Variants in MYO3B observed in about 807,000 individuals in gnomAD.
MYO3B encodes myosin IIIB.
Under a neutral mutation model 174.6 loss-of-function variants are expected in MYO3B, and 156 were observed. That is an observed-to-expected ratio of 0.89 (90% confidence interval 0.78 to 1.02). The LOEUF (loss-of-function observed/expected upper bound fraction) is 1.02. Ranked by LOEUF, MYO3B falls within the 50% of genes least tolerant of loss-of-function variation. The pLI, the probability that MYO3B is intolerant of heterozygous loss-of-function variation, is 0.00. For synonymous variants in MYO3B, 563 were observed against 569.1 expected, an observed-to-expected ratio of 0.99 and a Z score of 0.15; for missense variants, 1,632 against 1,639.4, an observed-to-expected ratio of 1.00 and a Z score of 0.08.
intron 7 of MYO3B, among the ~76,000 whole-genome samples, chr2:170,321,984 C>T (rs1044948539): frequency 4.0e-5 from 6 of 151,850 alleles, no homozygotes; most frequent in Admixed American, 6.6e-5. Flanking sequence ...CGTGGTGGCA[C>T]GTGCCTGTAA....
rs879207110 is a variant in MYO3B at position 170,200,019 on chromosome 2, T to C, written c.187-131T>C. 30 of 733,576 alleles carry C rather than the reference T, an allele frequency of 4.1e-5. No individual in the cohort carries two copies. The South Asian group carries it at 6.7e-4, about 16-fold the overall frequency. 45.4% of individuals were successfully genotyped at this position (733,576 alleles called of 1,614,324 possible). On this transcript the variant is annotated intron_variant, in intron 2 of 34. Coordinates refer to ENST00000408978, the MANE Select transcript of MYO3B (RefSeq NM_138995.5). ...ATCTGAATGTCCATTGTTAGATATTTTGAAGGTATGGTAATGAGATTGAAA... is the reference window on the plus strand; with the variant it reads ...ATCTGAATGTCCATTGTTAGATATTCTGAAGGTATGGTAATGAGATTGAAA...
intron 6 of MYO3B, among the ~76,000 whole-genome samples, chr2:170,221,990 C>T (rs1463836321): frequency 6.6e-6 from 1 of 152,192 alleles, no homozygotes; most frequent in Non-Finnish European, 1.5e-5. Context: ...AGGAGATTAT[C>T]ATGAGCAAAA....
At chr2:170,230,574 A>G (rs1574621723) in intron 6 of MYO3B, among the ~76,000 whole-genome samples, 1 of 151,772 alleles carries the variant, frequency 6.6e-6, no homozygotes, top group Non-Finnish European at 1.5e-5. Context: ...GAAGAAAGAA[A>G]CATGCCCTTG....
intron 8 of MYO3B, chr2:170,348,790 G>C (rs2094038129): frequency 6.6e-6 from 1 of 152,154 alleles, no homozygotes; most frequent in South Asian, 2.1e-4. Context: ...CTAGATGTAG[G>C]AGAGCTGGCT....
In MYO3B at chr2:170,231,966, AG is replaced by A. The variant is rs1409751138; in HGVS notation, c.604-4022del. 3.3e-5 allele frequency among the ~76,000 whole-genome samples: 5 copies of A among 152,168 alleles called. No homozygotes were observed. In the East Asian group the frequency reaches 9.6e-4, roughly 29 times the overall value. On this transcript the variant is annotated intron_variant, in intron 6 of 34. Coordinates refer to ENST00000408978, the MANE Select transcript of MYO3B (RefSeq NM_138995.5). ...TAAGTGATTTGTTTTCAGATGTGAA[AG>A]GGTGTGCATTTGGGATCCTGGACCT... is the stretch of plus-strand genomic sequence containing the variant.
chr2:170,263,926 A>T (rs957504952), intron 7 of MYO3B, among the ~76,000 whole-genome samples: 3 of 152,144 alleles, frequency 2.0e-5, no homozygotes, highest in African/African-American at 7.2e-5. Flanking sequence ...AGGCTATCAC[A>T]TGTGGGGGAA....
intron 22 of MYO3B, among the ~76,000 whole-genome samples, chr2:170,439,789 T>C (rs1005661120): frequency 1.3e-5 from 2 of 152,162 alleles, no homozygotes; most frequent in Non-Finnish European, 2.9e-5. Flanking sequence ...CACACCATTC[T>C]CCTGCCTCAG....
intron 32 of MYO3B, among the ~76,000 whole-genome samples, chr2:170,548,824 C>T (rs929701857): frequency 2.6e-5 from 4 of 152,068 alleles, no homozygotes; most frequent in Admixed American, 6.5e-5. Flanking sequence ...AGTAAATGAC[C>T]CTTGACCATT....
intron 32 of MYO3B, among the ~76,000 whole-genome samples, chr2:170,556,673 C>A (rs891228031): frequency 6.6e-6 from 1 of 152,214 alleles, no homozygotes; most frequent in Non-Finnish European, 1.5e-5. Context: ...AGGCATGTGT[C>A]ACCACGTCTG....
At chr2:170,230,772 T>A (rs1019020963) in intron 6 of MYO3B, among the ~76,000 whole-genome samples, 2 of 152,206 alleles carry the variant, frequency 1.3e-5, no homozygotes, top group African/African-American at 2.4e-5. Context: ...ATATCTACTA[T>A]TAACATTTTA....
chr2:170,472,719 T>A (rs1368493589), intron 25 of MYO3B, among the ~76,000 whole-genome samples: 4 of 113,230 alleles, frequency 3.5e-5, no homozygotes, highest in Non-Finnish European at 5.9e-5. Flanking sequence ...TTATTTATTT[T>A]GAGACAGGGT....
intron 32 of MYO3B, among the ~76,000 whole-genome samples, chr2:170,636,970 G>GTT (rs1697546643): frequency 2.0e-5 from 3 of 151,452 alleles, no homozygotes; most frequent in Admixed American, 2.0e-4. Context: ...GTGTGTGTGT[G>GTT]TGTGTGTGTG....
chr2:170,584,184 G>T (rs1033580927), intron 32 of MYO3B, among the ~76,000 whole-genome samples: 1 of 152,236 alleles, frequency 6.6e-6, no homozygotes, highest in Non-Finnish European at 1.5e-5. Flanking sequence ...ATCCAGGATT[G>T]TGGTCCCCCT....
At chr2:170,469,972 CA>C (rs143724673) in intron 25 of MYO3B, among the ~76,000 whole-genome samples, 7,031 of 151,612 alleles carry the variant, frequency 0.046, 511 homozygotes, top group African/African-American at 0.16. Flanking sequence ...TGTGTTGGTG[CA>C]TGCCTGTAAT....
intron 32 of MYO3B, among the ~76,000 whole-genome samples, chr2:170,566,293 A>T (rs1209307026): frequency 6.6e-6 from 1 of 152,220 alleles, no homozygotes; most frequent in African/African-American, 2.4e-5. Context: ...AGTTAGAATG[A>T]TTATTTCGGG....
At chr2:170,337,966 G>C (rs2093956242) in intron 8 of MYO3B, 1 of 152,180 alleles carries the variant, frequency 6.6e-6, no homozygotes, top group Non-Finnish European at 1.5e-5. Context: ...AGGGTTAGCA[G>C]AGGTGGAAGA....
chr2:170,488,275 T>TTTTATTTA (rs10684032), intron 25 of MYO3B, among the ~76,000 whole-genome samples: 29,895 of 151,476 alleles, frequency 0.2, 3,856 homozygotes, highest in African/African-American at 0.36. Flanking sequence ...GTAGCAGTGG[T>TTTTATTTA]TTTATTTATT....
chr2:170,528,394 C>T (rs1374885464), intron 30 of MYO3B, among the ~76,000 whole-genome samples: 2 of 152,158 alleles, frequency 1.3e-5, no homozygotes, highest in East Asian at 3.8e-4. Flanking sequence ...GTGATCCACA[C>T]TTCAAGGCAA....
chr2:170,439,099 A>G (rs1325817988), intron 22 of MYO3B, among the ~76,000 whole-genome samples: 1 of 144,434 alleles, frequency 6.9e-6, no homozygotes, highest in East Asian at 2.1e-4. Flanking sequence ...TGGGCCAGGC[A>G]TGATGGCTCA....
Sources: allele counts gnomAD v4.1 joint callset (sites outside exome capture counted in the v4.1 genomes callset), GRCh38; gene constraint gnomAD v4.1.1; transcripts MANE v1.5; gene names NCBI Gene and HGNC (gene_info 2026-07-23, HGNC 2026-07-21).